The following ARID2 variants were observed in gnomAD, a reference collection of about 807,000 sequenced individuals.
ARID2 encodes the protein AT-rich interactive domain-containing protein 2.
ARID2 carries 32 observed loss-of-function variants against 184.6 expected under a neutral mutation model. The ratio of observed to expected loss-of-function variants is 0.17; its 90% CI spans 0.13 to 0.23. ARID2 has a LOEUF of 0.23. ARID2 is among the 10% of genes least tolerant of loss of function. The pLI is 1.00. For synonymous variants in ARID2, 836 were observed against 772.6 expected, an observed-to-expected ratio of 1.08 and a Z score of -1.36; for missense variants, 1,696 against 2,197.6, an observed-to-expected ratio of 0.77 and a Z score of 4.56.
chr12:45,892,395 T>C (rs1309917554), intron 18 of ARID2, among the ~76,000 whole-genome samples: 1 of 152,170 alleles, frequency 6.6e-6, no homozygotes, highest in Non-Finnish European at 1.5e-5. Context: ...CTTTGTAAAC[T>C]AAAAGTACTG....
chr12:45,846,797 T>A lies in ARID2; in HGVS notation c.1499-59T>A, dbSNP rs1041550420. ...TGGGTTCAATATCCATAAAAAAAAG[T>A]ATGGCAAATAGTGACTAACTTTTAA... On this transcript the variant is annotated intron_variant, in intron 11 of 20. Coordinates refer to ENST00000334344, the MANE Select transcript of ARID2 (RefSeq NM_152641.4). 3 of 1,531,372 alleles carry A rather than the reference T, an allele frequency of 2.0e-6. No individual in the cohort carries two copies. The African/African-American group carries it at 4.1e-5, about 21-fold the overall frequency. 94.9% of individuals were successfully genotyped at this position (1,531,372 alleles called of 1,614,324 possible).
In ARID2 at chr12:45,778,101, G is replaced by C. The variant is rs148434269; in HGVS notation, c.285-33317G>C. Among the ~76,000 whole-genome samples, 949 of 152,154 alleles carry C rather than the reference G, an allele frequency of 6.2e-3. 9 individuals carry two copies. Among genetic ancestry groups the C allele is most frequent in the African/African-American group, 0.019 (795 of 41,534 alleles). ...GGCGCCCATAATCTCAGCTTCTCAG[G>C]GGGGCCGGGGCAGTGGAATCGCTTG... is the stretch of plus-strand genomic sequence containing the variant. On this transcript the variant is annotated intron_variant, in intron 3 of 20. Coordinates refer to ENST00000334344, the MANE Select transcript of ARID2 (RefSeq NM_152641.4).
chr12:45,730,382 C>T (rs1215969886), intron 2 of ARID2, among the ~76,000 whole-genome samples: 1 of 145,722 alleles, frequency 6.9e-6, no homozygotes, highest in Non-Finnish European at 1.5e-5. Context: ...CGCGCCCTGC[C>T]CGGTGCCCGG....
At chr12:45,899,330 C>T (rs552837431) in intron 20 of ARID2, among the ~76,000 whole-genome samples, 6 of 144,658 alleles carry the variant, frequency 4.1e-5, no homozygotes, top group Non-Finnish European at 6.0e-5. Flanking sequence ...CCAGGCTGGG[C>T]GTGGTGGCTC....
At position 45,826,531 on chromosome 12, in the gene ARID2, C is replaced by G. The variant is rs547773439; in HGVS notation, c.705+5044C>G. ...CTCGGCCCAAGGGATCCTCCTGCCT[C>G]AGGCTCCCAAGTAGCTAAGATTACA... On this transcript the variant is annotated intron_variant, in intron 6 of 20. Transcript: ENST00000334344. Among the ~76,000 whole-genome samples the G allele has an allele frequency of 3.7e-4, 56 of 152,190 alleles. No homozygotes were observed. The South Asian group carries it at 0.011, about 29-fold the overall frequency.
chr12:45,795,850 A>G (rs954518617), intron 3 of ARID2, among the ~76,000 whole-genome samples: 1 of 150,054 alleles, frequency 6.7e-6, no homozygotes, highest in Non-Finnish European at 1.5e-5. Context: ...TGTCTCCTCC[A>G]TCCTCTTTTT....
In ARID2 at chr12:45,852,508, A is replaced by C. The variant is rs1313069976; in HGVS notation, c.4385A>C (p.Gln1462Pro). ...TCAAGTTTGAATTCAGATGTGCCTC[A>C]GCAACGCCCAAGTGTAGTTGTCTCA... ...LASSLNSDVP[Q>P]QRPSVVVSPH... The change falls in exon 15 of 21, where the codon CAG becomes CCG. Residue 1462 changes from glutamine (Q) to proline (P), a missense_variant. Around this residue, in one of 11 missense-constraint regions of ARID2, gnomAD observed 428 missense variants for 409.1 expected, o/e 1.05. Coordinates refer to ENST00000334344, the MANE Select transcript of ARID2 (RefSeq NM_152641.4). 4 of 1,614,106 alleles carry C rather than the reference A, an allele frequency of 2.5e-6. No individual in the cohort carries two copies. In the Admixed American group the frequency reaches 6.7e-5, roughly 27 times the overall value.
In ARID2 at chr12:45,730,873, CTT is replaced by C. The variant is rs564524227; in HGVS notation, c.187-323_187-322del. Among the ~76,000 whole-genome samples, 196 of 96,678 alleles carry C rather than the reference CTT, an allele frequency of 2.0e-3. 2 individuals are homozygous for C. Among genetic ancestry groups the C allele is most frequent in the East Asian group, 2.9e-3 (9 of 3,056 alleles). 63.4% of individuals were successfully genotyped at this position (96,678 alleles called of 152,430 possible). A position where few individuals can be genotyped will look rare whatever the true frequency, so the allele number is the denominator to read the frequency against. On this transcript the variant is annotated intron_variant, in intron 2 of 20. Transcript: ENST00000334344. ...CCGGAACTGTATTGATCCTTTTGAA[CTT>C]TTTTTTTTTTTTTTTTTTTTAGTGT...
At chr12:45,767,196 G>A (rs1385526202) in intron 3 of ARID2, among the ~76,000 whole-genome samples, 18 of 152,050 alleles carry the variant, frequency 1.2e-4, no homozygotes, top group Non-Finnish European at 1.3e-4. Flanking sequence ...ATTCTTTGGT[G>A]AAGAGCCTGT....
intron 6 of ARID2, among the ~76,000 whole-genome samples, chr12:45,823,710 A>G (rs1942939787): frequency 6.6e-6 from 1 of 152,152 alleles, no homozygotes; most frequent in South Asian, 2.1e-4. Flanking sequence ...AAATACTTGG[A>G]CACATACAAC....
intron 3 of ARID2, among the ~76,000 whole-genome samples, chr12:45,755,098 G>A (rs765129389): frequency 9.9e-5 from 15 of 152,156 alleles, no homozygotes; most frequent in Non-Finnish European, 1.6e-4. Context: ...AGGCGTTAAC[G>A]CATGTGATTG....
At chr12:45,772,139 A>T (rs1281241460) in intron 3 of ARID2, among the ~76,000 whole-genome samples, 1 of 152,242 alleles carries the variant, frequency 6.6e-6, no homozygotes, top group Non-Finnish European at 1.5e-5. Flanking sequence ...AAAATGCTAC[A>T]TTAGGAAATA....
At chr12:45,743,600 T>G (rs1941303342) in intron 3 of ARID2, among the ~76,000 whole-genome samples, 1 of 152,224 alleles carries the variant, frequency 6.6e-6, no homozygotes, top group South Asian at 2.1e-4. Context: ...TACAAGGTTA[T>G]TCTTTAATGT....
At chr12:45,808,766 T>A (rs1421113754) in intron 3 of ARID2, among the ~76,000 whole-genome samples, 1 of 151,994 alleles carries the variant, frequency 6.6e-6, no homozygotes, top group East Asian at 1.9e-4. Flanking sequence ...TGTGTATGTG[T>A]GTGTGTGTGT....
intron 3 of ARID2, among the ~76,000 whole-genome samples, chr12:45,793,523 A>G (rs1942331432): frequency 6.6e-6 from 1 of 151,982 alleles, no homozygotes; most frequent in Non-Finnish European, 1.5e-5. Context: ...TACTTTATAT[A>G]TATAACTGCC....
chr12:45,821,567 A>G (rs1331185401), intron 6 of ARID2, 80 bp downstream of exon 6: 1 of 760,734 alleles, frequency 1.3e-6, no homozygotes, highest in Non-Finnish European at 2.0e-6. Context: ...TGCTTATTTA[A>G]TATACATAAT....
intron 16 of ARID2, among the ~76,000 whole-genome samples, chr12:45,862,955 A>G (rs576991777): frequency 6.6e-6 from 1 of 152,076 alleles, no homozygotes; most frequent in Non-Finnish European, 1.5e-5. Flanking sequence ...TAGTCTGCAA[A>G]TATTTGTTAA....
chr12:45,858,346 G>A (rs1943686899), intron 15 of ARID2, among the ~76,000 whole-genome samples: 1 of 151,920 alleles, frequency 6.6e-6, no homozygotes, highest in African/African-American at 2.4e-5. Context: ...GGGTGACAGA[G>A]CAAAACCCTA....
Position 45,828,915 on chromosome 12 carries a change from ATAACT to A in ARID2, c.705+7432_705+7436del, listed in dbSNP as rs1445048340. Among the ~76,000 whole-genome samples, 7 of 152,080 alleles carry A rather than the reference ATAACT, an allele frequency of 4.6e-5. No homozygotes were observed. In the Middle Eastern group the frequency reaches 0.01, roughly 222 times the overall value. ...GAATGGTGTCTTTTGATGAACTTACATAACTTAATTTTAATGTAGTTTAACATCAA... is the reference window on the plus strand; with the variant it reads ...GAATGGTGTCTTTTGATGAACTTACATAATTTTAATGTAGTTTAACATCAA... On this transcript the variant is annotated intron_variant, in intron 6 of 20. Transcript: ENST00000334344.
Sources: allele counts gnomAD v4.1 joint callset (sites outside exome capture counted in the v4.1 genomes callset), GRCh38; gene constraint gnomAD v4.1.1; regional missense constraint gnomAD v4.1.1; transcripts MANE v1.5; gene names NCBI Gene and HGNC (gene_info 2026-07-23, HGNC 2026-07-21).